Variants in NBEA observed in about 807,000 individuals in gnomAD.
The protein encoded by NBEA is lysosomal-trafficking regulator 2.
Under a neutral mutation model 343.4 loss-of-function variants are expected in NBEA, and 44 were observed. The observed-to-expected ratio is 0.13, with a 90% CI of 0.10 to 0.16. The LOEUF is 0.16. Ranked by LOEUF, NBEA falls within the 10% of genes least tolerant of loss-of-function variation. The pLI is 1.00. For synonymous variants in NBEA, 1,175 were observed against 1,238.7 expected, an observed-to-expected ratio of 0.95 and a Z score of 1.08; for missense variants, 2,555 against 3,631.3, an observed-to-expected ratio of 0.70 and a Z score of 7.62.
At chr13:35,249,778 ACATTTATAGCAG>A (rs1312801656) in intron 34 of NBEA, among the ~76,000 whole-genome samples, 3 of 152,182 alleles carry the variant, frequency 2.0e-5, no homozygotes, top group African/African-American at 7.2e-5. Flanking sequence ...TTTGCGACCT[ACATTTATAGCAG>A]CAGTATTAAC....
intron 39 of NBEA, among the ~76,000 whole-genome samples, chr13:35,433,030 T>TA (rs2045222688): frequency 6.6e-6 from 1 of 152,118 alleles, no homozygotes. Context: ...TCCAATGCAC[T>TA]ACAAATGAAG....
chr13:35,325,441 TA>T (rs2038480766), intron 36 of NBEA, among the ~76,000 whole-genome samples: 1 of 151,960 alleles, frequency 6.6e-6, no homozygotes, highest in Non-Finnish European at 1.5e-5. Context: ...AAAGAATAAA[TA>T]ATACCAATAT....
intron 46 of NBEA, among the ~76,000 whole-genome samples, chr13:35,587,073 A>G (rs548346284): frequency 6.6e-6 from 1 of 152,192 alleles, no homozygotes; most frequent in Non-Finnish European, 1.5e-5. Flanking sequence ...CCATAAAACC[A>G]AAACTACATT....
At chr13:35,088,311 T>C (rs2064878855) in intron 10 of NBEA, among the ~76,000 whole-genome samples, 1 of 151,932 alleles carries the variant, frequency 6.6e-6, no homozygotes, top group African/African-American at 2.4e-5. Flanking sequence ...GAAAACTCAA[T>C]ATAGGGACTT....
intron 34 of NBEA, among the ~76,000 whole-genome samples, chr13:35,257,549 T>TG (rs2032755748): frequency 6.6e-6 from 1 of 152,190 alleles, no homozygotes; most frequent in African/African-American, 2.4e-5. Context: ...ACAGTTTCCA[T>TG]TTTTACACAA....
intron 7 of NBEA, among the ~76,000 whole-genome samples, 154 bp downstream of exon 7, chr13:35,056,283 A>G (rs779844538): frequency 5.9e-5 from 9 of 152,150 alleles, no homozygotes; most frequent in Admixed American, 2.6e-4. Context: ...TAAATTTAGT[A>G]TAAGAAAATT....
intron 34 of NBEA, among the ~76,000 whole-genome samples, chr13:35,278,083 A>G (rs1170199371): frequency 6.7e-6 from 1 of 148,636 alleles, no homozygotes; most frequent in African/African-American, 2.4e-5. Flanking sequence ...GCAAAACTCC[A>G]TCTCAAAAAA....
chr13:35,020,268 A>G (rs933340186), intron 1 of NBEA, among the ~76,000 whole-genome samples: 1 of 152,164 alleles, frequency 6.6e-6, no homozygotes, highest in Non-Finnish European at 1.5e-5. Flanking sequence ...GGTTATTTGG[A>G]ATAAGTTTCC....
intron 1 of NBEA, among the ~76,000 whole-genome samples, chr13:34,988,710 T>G (rs2060646907): frequency 6.6e-6 from 1 of 151,220 alleles, no homozygotes. Context: ...TCTTTGTATT[T>G]GGTGATACTT....
intron 1 of NBEA, among the ~76,000 whole-genome samples, chr13:35,036,545 G>T (rs2062449462): frequency 6.6e-6 from 1 of 151,932 alleles, no homozygotes; most frequent in South Asian, 2.1e-4. Flanking sequence ...TTTTCTTTCT[G>T]ATTGAAGTAC....
At chr13:35,312,664 T>C (rs1015868669) in intron 36 of NBEA, among the ~76,000 whole-genome samples, 1 of 152,222 alleles carries the variant, frequency 6.6e-6, no homozygotes, top group African/African-American at 2.4e-5. Context: ...TGTCATGGAC[T>C]AATAGTAGCT....
chr13:35,233,144 T>G (rs2075063170), intron 34 of NBEA, among the ~76,000 whole-genome samples: 1 of 152,010 alleles, frequency 6.6e-6, no homozygotes, highest in Non-Finnish European at 1.5e-5. Context: ...ACAAGGAGAG[T>G]GGCTTTGAAA....
intron 40 of NBEA, among the ~76,000 whole-genome samples, chr13:35,466,583 T>G (rs1247807888): frequency 6.6e-6 from 1 of 152,162 alleles, no homozygotes; most frequent in Non-Finnish European, 1.5e-5. Context: ...TCCTCCCACC[T>G]CAGCTTCCTA....
intron 22 of NBEA, among the ~76,000 whole-genome samples, chr13:35,161,427 A>G (rs1029317764): frequency 1.3e-5 from 2 of 152,168 alleles, no homozygotes; most frequent in Admixed American, 6.5e-5. Context: ...CACTTCATTA[A>G]GGAAGTAATG....
intron 41 of NBEA, among the ~76,000 whole-genome samples, chr13:35,489,983 G>A (rs985481383): frequency 2.4e-4 from 37 of 151,754 alleles, no homozygotes; most frequent in African/African-American, 7.0e-4. Flanking sequence ...GTTTCTTTAC[G>A]TGCCCTCACC....
intron 10 of NBEA, among the ~76,000 whole-genome samples, chr13:35,095,448 T>C (rs1421766529): frequency 2.0e-5 from 3 of 151,700 alleles, no homozygotes; most frequent in South Asian, 2.1e-4. Flanking sequence ...GTAATAAATA[T>C]GCTAATTTAT....
chr13:35,431,565 C>T (rs1307482464), intron 38 of NBEA, among the ~76,000 whole-genome samples: 1 of 152,046 alleles, frequency 6.6e-6, no homozygotes, highest in African/African-American at 2.4e-5. Flanking sequence ...TTGGCCGTGG[C>T]TATTAATGGT....
chr13:35,028,016 G>A (rs929589589), intron 1 of NBEA, among the ~76,000 whole-genome samples: 3 of 151,650 alleles, frequency 2.0e-5, no homozygotes, highest in African/African-American at 7.3e-5. Flanking sequence ...CTGGGTTCTC[G>A]CTTATGCTTC....
At chr13:34,997,881 A>G (rs1038488837) in intron 1 of NBEA, among the ~76,000 whole-genome samples, 3 of 152,114 alleles carry the variant, frequency 2.0e-5, no homozygotes, top group South Asian at 2.1e-4. Context: ...CTTAGTGACA[A>G]TTTTTACAAG....
Sources: allele counts gnomAD v4.1 joint callset (sites outside exome capture counted in the v4.1 genomes callset), GRCh38; gene constraint gnomAD v4.1.1; transcripts MANE v1.5; gene names NCBI Gene and HGNC (gene_info 2026-07-23, HGNC 2026-07-21).